TENM1: variants seen among roughly 807,000 people sequenced by gnomAD.
The protein encoded by TENM1 is teneurin transmembrane protein 1.
In TENM1, 35 loss-of-function variants were observed where a neutral mutation model predicts 174.8. The ratio of observed to expected loss-of-function variants is 0.20; its 90% CI spans 0.15 to 0.27. TENM1 has a LOEUF of 0.27. Among genes scored for constraint, TENM1 ranks in the 10% least tolerant of loss-of-function variants. The pLI is 1.00. For missense variants in TENM1, 1,633 were observed against 2,130.1 expected, an observed-to-expected ratio of 0.77 and a Z score of 4.59; for synonymous variants, 781 against 798.7, an observed-to-expected ratio of 0.98 and a Z score of 0.37.
chrX:125,045,290 T>C, the TENM1 span, among the ~76,000 whole-genome samples: 2 of 111,369 alleles, frequency 1.8e-5, no homozygotes, highest in Non-Finnish European at 3.8e-5. Context: ...AGTCAAACCA[T>C]ATCAGGAAAG....
chrX:125,057,814 C>A, the TENM1 span, among the ~76,000 whole-genome samples: 1 of 111,469 alleles, frequency 9.0e-6, no homozygotes, highest in African/African-American at 3.3e-5. Context: ...GAGCAAACTT[C>A]AGGATGATAA....
At chrX:124,377,742 T>A (rs1479267431) in exon 32 of TENM1, 1 of 111,978 alleles carries the variant, frequency 8.9e-6, no homozygotes, top group Non-Finnish European at 1.9e-5. Flanking sequence ...TCGAATGGTG[T>A]GTGGCTGTGC....
upstream of TENM1, among the ~76,000 whole-genome samples, chrX:124,968,671 C>G (rs1341057198): frequency 1.8e-5 from 2 of 111,520 alleles, no homozygotes; most frequent in Non-Finnish European, 3.8e-5. Flanking sequence ...TAATCCTTTC[C>G]TGCTCCTCGA....
intron 13 of TENM1, 120 bp downstream of exon 16, chrX:124,563,629 A>C (rs1355038282): frequency 9.4e-6 from 5 of 529,690 alleles, no homozygotes; most frequent in Non-Finnish European, 1.2e-5. Context: ...TATTTAAATA[A>C]GATTGCCAAA....
chrX:124,393,882 C>T (rs934994538), intron 27 of TENM1, among the ~76,000 whole-genome samples: 3 of 112,089 alleles, frequency 2.7e-5, no homozygotes, highest in East Asian at 2.8e-4. Flanking sequence ...CTTCCATCTG[C>T]GCCTTAGTTT....
chrX:124,788,452 C>T (rs770591245), intron 3 of TENM1, among the ~76,000 whole-genome samples: 1 of 112,121 alleles, frequency 8.9e-6, no homozygotes, highest in African/African-American at 3.2e-5. Context: ...ACTCAAAAGT[C>T]CACAGTCCAA....
At position 124,558,998 on chromosome X, in the gene TENM1, ATAATTCAT is replaced by A. The variant is rs369462295; in HGVS notation, c.2434+2665_2434+2672del. Among the ~76,000 whole-genome samples, 187 of 112,027 alleles carry A rather than the reference ATAATTCAT, an allele frequency of 1.7e-3. 3 individuals carry two copies. Among genetic ancestry groups the A allele is most frequent in the African/African-American group, 5.9e-3 (181 of 30,909 alleles). ...CATAGACCACAGGCATTGAGAATTG[ATAATTCAT>A]TAATTCATTAATATTTAATTGATCC... is the stretch of plus-strand genomic sequence containing the variant. On this transcript the variant is annotated intron_variant, in intron 14 of 31. Coordinates refer to ENST00000422452, the Ensembl canonical transcript of TENM1.
the TENM1 span, among the ~76,000 whole-genome samples, chrX:125,036,060 C>G: frequency 1.8e-5 from 2 of 111,668 alleles, no homozygotes; most frequent in South Asian, 3.7e-4. Flanking sequence ...AATGCACGCT[C>G]TCACTAACAA....
chrX:124,661,969 A>G (rs901898078), intron 6 of TENM1, among the ~76,000 whole-genome samples: 1 of 111,334 alleles, frequency 9.0e-6, no homozygotes, highest in Admixed American at 9.6e-5. Context: ...TTCAGTTCCT[A>G]TCTCTTATTT....
At chrX:124,645,251 C>T (rs374710006) in exon 10 of TENM1, 5 of 1,211,697 alleles carry the variant, frequency 4.1e-6, no homozygotes, top group Non-Finnish European at 5.6e-6. Context: ...TCCGGAACGT[C>T]ACACTCTGGC....
intron 3 of TENM1, among the ~76,000 whole-genome samples, chrX:124,849,290 A>C (rs1317684431): frequency 9.0e-6 from 1 of 111,457 alleles, no homozygotes. Context: ...GTTTGAGTAC[A>C]ACCTGTAACT....
chrX:124,674,504 C>A (rs1256071175), intron 5 of TENM1, among the ~76,000 whole-genome samples: 1 of 110,288 alleles, frequency 9.1e-6, no homozygotes, highest in Admixed American at 9.7e-5. Flanking sequence ...AAAGAGATTT[C>A]TAACACCTAC....
intron 3 of TENM1, among the ~76,000 whole-genome samples, chrX:124,811,464 T>C (rs1167449064): frequency 9.0e-6 from 1 of 111,425 alleles, no homozygotes; most frequent in Non-Finnish European, 1.9e-5. Flanking sequence ...CACAATGAGA[T>C]ATCACCTCAC....
rs1376055333 is a variant in TENM1 at position 124,523,635 on chromosome X, A to G, written c.2772-10T>C. On this transcript the variant is annotated splice_polypyrimidine_tract_variant and intron_variant, in intron 16 of 31. Transcript: ENST00000422452. ...GGCCACGAGGTCAAAGCTAAGAAGG[A>G]AAAACATAAGACAGTTGCAATCAAA... 1 of 1,206,033 alleles carries G rather than the reference A, an allele frequency of 8.3e-7. No individual in the cohort carries two copies. Among genetic ancestry groups the G allele is most frequent in the Non-Finnish European group, 1.1e-6 (1 of 892,459 alleles).
intron 3 of TENM1, among the ~76,000 whole-genome samples, chrX:124,767,311 T>C (rs984025572): frequency 2.7e-5 from 3 of 111,593 alleles, no homozygotes; most frequent in African/African-American, 9.8e-5. Context: ...ACCAACATTA[T>C]CATGAGTATT....
Position 124,676,257 on chromosome X carries a change from A to AATATATAT in TENM1, c.1016-4430_1016-4423dup, listed in dbSNP as rs56962688. On this transcript the variant is annotated intron_variant, in intron 5 of 31. Coordinates refer to ENST00000422452, the Ensembl canonical transcript of TENM1. ...TTACTGTTCCCTAAGACATATATAA[A>AATATATAT]ATATATATATATATATATATATATA... 3.5e-4 allele frequency among the ~76,000 whole-genome samples: 8 copies of AATATATAT among 22,955 alleles called. 1 individual carries two copies. Among genetic ancestry groups the AATATATAT allele is most frequent in the Non-Finnish European group, 4.4e-4 (4 of 9,120 alleles). 19.9% of individuals were successfully genotyped at this position (22,955 alleles called of 115,157 possible).
At chrX:124,873,631 G>A (rs933581454) in intron 3 of TENM1, among the ~76,000 whole-genome samples, 23 of 111,274 alleles carry the variant, frequency 2.1e-4, no homozygotes, top group Admixed American at 1.2e-3. Context: ...CTTCAACTGG[G>A]TCATAGACAA....
At chrX:125,066,807 C>A in the TENM1 span, among the ~76,000 whole-genome samples, 7 of 111,782 alleles carry the variant, frequency 6.3e-5, no homozygotes, top group Non-Finnish European at 1.3e-4. Context: ...TTTGGTGATT[C>A]AGGCAAACAT....
At chrX:124,838,195 T>G (rs758251286) in intron 3 of TENM1, among the ~76,000 whole-genome samples, 1 of 112,312 alleles carries the variant, frequency 8.9e-6, no homozygotes, top group Non-Finnish European at 1.9e-5. Flanking sequence ...CACATCAGTA[T>G]GATCCCAAAT....
Sources: allele counts gnomAD v4.1 joint callset (sites outside exome capture counted in the v4.1 genomes callset), GRCh38; gene constraint gnomAD v4.1.1; transcripts MANE v1.5; gene names NCBI Gene and HGNC (gene_info 2026-07-23, HGNC 2026-07-21).